The following NCKAP1 variants were observed in gnomAD, a reference collection of about 807,000 sequenced individuals.
The protein encoded by NCKAP1 is nck-associated protein 1.
In NCKAP1, 21 loss-of-function variants were observed where a neutral mutation model predicts 151.2. That is an observed-to-expected ratio of 0.14 (90% CI 0.10 to 0.20). The LOEUF (loss-of-function observed/expected upper bound fraction) is 0.20. Ranked by LOEUF, NCKAP1 falls within the 10% of genes least tolerant of loss-of-function variation. NCKAP1 has a pLI of 1.00. For synonymous variants in NCKAP1, 484 were observed against 451.8 expected, an observed-to-expected ratio of 1.07 and a Z score of -0.90; for missense variants, 933 against 1,352.1, an observed-to-expected ratio of 0.69 and a Z score of 4.86.
intron 29 of NCKAP1, among the ~76,000 whole-genome samples, chr2:182,927,425 A>T (rs2105796875): frequency 6.6e-6 from 1 of 152,238 alleles, no homozygotes; most frequent in East Asian, 1.9e-4. Context: ...TTTGTAATTT[A>T]AAAATTATTT....
At chr2:183,000,931 A>G (rs1357083683) in intron 6 of NCKAP1, among the ~76,000 whole-genome samples, 2 of 152,082 alleles carry the variant, frequency 1.3e-5, no homozygotes, top group Non-Finnish European at 2.9e-5. Context: ...TGTCACTACT[A>G]AAAATACAAA....
intron 15 of NCKAP1, among the ~76,000 whole-genome samples, chr2:182,971,187 G>A (rs1027277682): frequency 2.0e-5 from 3 of 151,720 alleles, no homozygotes; most frequent in Non-Finnish European, 4.4e-5. Context: ...GAGGTCAGGA[G>A]ATCGAGACCA....
chr2:183,036,015 G>A (rs1023935994), intron 1 of NCKAP1, among the ~76,000 whole-genome samples: 11 of 152,028 alleles, frequency 7.2e-5, no homozygotes, highest in Admixed American at 1.3e-4. Flanking sequence ...AAAATATGAC[G>A]TTTCAATAAA....
At chr2:183,002,597 G>A (rs753471955) in intron 4 of NCKAP1, among the ~76,000 whole-genome samples, 2 of 151,896 alleles carry the variant, frequency 1.3e-5, no homozygotes, top group African/African-American at 2.4e-5. Flanking sequence ...ATTTTTTAAA[G>A]TTCACCATTA....
chr2:182,970,635 A>G (rs915863743), intron 15 of NCKAP1, among the ~76,000 whole-genome samples: 1 of 152,196 alleles, frequency 6.6e-6, no homozygotes, highest in Non-Finnish European at 1.5e-5. Context: ...TAAAGGCCAT[A>G]GATGATGAAC....
At chr2:183,025,331 T>C (rs1222404525) in intron 1 of NCKAP1, among the ~76,000 whole-genome samples, 1 of 152,132 alleles carries the variant, frequency 6.6e-6, no homozygotes, top group African/African-American at 2.4e-5. Context: ...AAACCATCAG[T>C]GAAATTTTAC....
At chr2:182,986,611 A>C (rs1235599495) in intron 9 of NCKAP1, among the ~76,000 whole-genome samples, 1 of 152,200 alleles carries the variant, frequency 6.6e-6, no homozygotes, top group Non-Finnish European at 1.5e-5. Flanking sequence ...CTTTTTAATC[A>C]AGTCTATCTT....
At chr2:183,017,331 G>A (rs1055848879) in intron 2 of NCKAP1, among the ~76,000 whole-genome samples, 1 of 152,130 alleles carries the variant, frequency 6.6e-6, no homozygotes, top group African/African-American at 2.4e-5. Flanking sequence ...TCATAATGTA[G>A]AAGCAGTGGA....
intron 1 of NCKAP1, among the ~76,000 whole-genome samples, chr2:183,034,608 A>G (rs534549063): frequency 2.0e-5 from 3 of 152,180 alleles, no homozygotes; most frequent in Non-Finnish European, 4.4e-5. Flanking sequence ...TTTGTTGAAC[A>G]GTTATACAAT....
chr2:182,970,890 C>A (rs1181411390), intron 15 of NCKAP1, among the ~76,000 whole-genome samples: 1 of 152,062 alleles, frequency 6.6e-6, no homozygotes, highest in Admixed American at 6.5e-5. Context: ...AACTGATCAA[C>A]CAATTCAGTT....
chr2:182,961,579 T>C (rs973481560), intron 18 of NCKAP1, among the ~76,000 whole-genome samples: 3 of 151,844 alleles, frequency 2.0e-5, no homozygotes, highest in Non-Finnish European at 2.9e-5. Flanking sequence ...GGGCCTGTTG[T>C]GGGGTGGGGA....
chr2:182,967,466 A>G, intron 15 of NCKAP1, 105 bp from the exon 16 acceptor site: 1 of 994,206 alleles, frequency 1.0e-6, no homozygotes, highest in South Asian at 1.5e-5. Flanking sequence ...TAAACTATCT[A>G]CTGTGACACT....
chr2:183,012,618 C>T (rs920103397), intron 2 of NCKAP1, among the ~76,000 whole-genome samples: 2 of 149,052 alleles, frequency 1.3e-5, no homozygotes, highest in Admixed American at 6.7e-5. Flanking sequence ...CATCCCCTTA[C>T]GCCTTTTTTT....
Position 183,015,652 on chromosome 2 carries a change from T to C in NCKAP1, c.219+8154A>G, listed in dbSNP as rs994030218. Among the ~76,000 whole-genome samples the C allele has an allele frequency of 5.3e-5, 8 of 152,136 alleles. No individual in the cohort carries two copies. In the East Asian group the frequency reaches 1.5e-3, roughly 29 times the overall value. ...TAGGAAGAGAGATTCCTTTTCTCTT[T>C]AAGGCTAAATATATTATTCATCTTA... On this transcript the variant is annotated intron_variant, in intron 2 of 30. Transcript: ENST00000361354.
chr2:183,017,987 T>G (rs990263454), intron 2 of NCKAP1, among the ~76,000 whole-genome samples: 1 of 152,146 alleles, frequency 6.6e-6, no homozygotes, highest in African/African-American at 2.4e-5. Flanking sequence ...CGGTGGCTCA[T>G]GCCTGTAATC....
At chr2:182,981,195 A>T in intron 13 of NCKAP1, 49 bp downstream of exon 13, 1 of 1,576,754 alleles carries the variant, frequency 6.3e-7, no homozygotes, top group Non-Finnish European at 8.7e-7. Context: ...AATACTATCA[A>T]AGGTGGGAAG....
In NCKAP1 at chr2:182,965,113, G is replaced by A. The variant is rs1697538499; in HGVS notation, c.1629-305C>T. On this transcript the variant is annotated intron_variant, in intron 16 of 30. Transcript: ENST00000361354. ...AGGAAAAAATACCATTATTATGGCT[G>A]GGTGTGGTGGCTCACACCTATAATC... is the stretch of plus-strand genomic sequence containing the variant. Among the ~76,000 whole-genome samples the A allele has an allele frequency of 2.0e-5, 3 of 152,096 alleles. No individual in the cohort carries two copies. In the South Asian group the frequency reaches 6.2e-4, roughly 32 times the overall value.
At chr2:182,967,444 C>T (rs1378928226) in intron 15 of NCKAP1, 83 bp from the exon 16 acceptor site, 2 of 1,227,506 alleles carry the variant, frequency 1.6e-6, no homozygotes, top group Non-Finnish European at 2.3e-6. Context: ...AAAAGCATCA[C>T]TGAAAGATAC....
At chr2:183,034,095 A>G (rs1442504562) in intron 1 of NCKAP1, among the ~76,000 whole-genome samples, 4 of 152,160 alleles carry the variant, frequency 2.6e-5, no homozygotes, top group African/African-American at 7.2e-5. Flanking sequence ...GGAAACAAAT[A>G]CAATACTGAA....
Sources: gnomAD v4.1 joint callset for allele counts (sites outside exome capture counted in the v4.1 genomes callset) on GRCh38, gnomAD v4.1.1 for gene constraint, MANE v1.5 for transcripts, NCBI Gene and HGNC (gene_info 2026-07-23, HGNC 2026-07-21) for gene names.